ANGPT2: variants seen among roughly 807,000 people sequenced by gnomAD.
ANGPT2 encodes the protein angiopoietin 2, also known as angiopoietin-2.
In ANGPT2, 28 loss-of-function variants were observed where a neutral mutation model predicts 62.9. The observed-to-expected ratio is 0.44, with a 90% CI of 0.33 to 0.61. The LOEUF is 0.61. Among genes scored for constraint, ANGPT2 ranks in the 20% least tolerant of loss-of-function variants. The pLI, the probability that ANGPT2 is intolerant of heterozygous loss-of-function variation, is 0.03. For synonymous variants in ANGPT2, 284 were observed against 207.8 expected, an observed-to-expected ratio of 1.37 and a Z score of -3.15; for missense variants, 727 against 594.9, an observed-to-expected ratio of 1.22 and a Z score of -2.31.
At chr8:6,535,893 A>G (rs1351633608) in intron 1 of ANGPT2, among the ~76,000 whole-genome samples, 1 of 71,734 alleles carries the variant, frequency 1.4e-5, no homozygotes, top group African/African-American at 4.4e-5. Context: ...CAAAAAATAC[A>G]AAAAAAAAAA....
chr8:6,513,303 A>T (rs1815544083), intron 7 of ANGPT2, among the ~76,000 whole-genome samples: 2 of 151,676 alleles, frequency 1.3e-5, no homozygotes, highest in Non-Finnish European at 2.9e-5. Context: ...TCACCCAGCA[A>T]ACCTTTTAAT....
In ANGPT2 at chr8:6,525,537, A is replaced by G. The variant is rs201806323; in HGVS notation, c.566+2018T>C. On this transcript the variant is annotated intron_variant, in intron 3 of 8. Coordinates refer to ENST00000629816, the MANE Select transcript of ANGPT2 (RefSeq NM_001118887.2). ...GAGCCACTGTGCCTGGCTTGAATCT[A>G]TTCTATAAAGAAAGCAATTGCACTT... Among the ~76,000 whole-genome samples the G allele has an allele frequency of 7.2e-5, 11 of 152,344 alleles. No individual in the cohort carries two copies. In the East Asian group the frequency reaches 1.7e-3, roughly 24 times the overall value.
intron 1 of ANGPT2, among the ~76,000 whole-genome samples, chr8:6,541,485 G>C (rs1487444673): frequency 1.3e-5 from 2 of 152,158 alleles, no homozygotes; most frequent in Non-Finnish European, 2.9e-5. Flanking sequence ...CTGGAGACAG[G>C]AAACCAAAGC....
At chr8:6,549,946 C>G (rs1823320621) in intron 1 of ANGPT2, among the ~76,000 whole-genome samples, 1 of 152,238 alleles carries the variant, frequency 6.6e-6, no homozygotes, top group Non-Finnish European at 1.5e-5. Context: ...TCTGAGCTAG[C>G]TATAGCCATG....
chr8:6,504,102 A>C (rs969141998), intron 8 of ANGPT2, among the ~76,000 whole-genome samples: 1 of 152,122 alleles, frequency 6.6e-6, no homozygotes, highest in African/African-American at 2.4e-5. Flanking sequence ...GTGGATCACG[A>C]GATCAGGAGA....
At chr8:6,559,022 A>G (rs1191557312) in intron 1 of ANGPT2, among the ~76,000 whole-genome samples, 1 of 152,156 alleles carries the variant, frequency 6.6e-6, no homozygotes, top group Non-Finnish European at 1.5e-5. Context: ...CTATATAGTA[A>G]TACTAACACT....
At chr8:6,549,338 G>A (rs529497706) in intron 1 of ANGPT2, among the ~76,000 whole-genome samples, 3 of 152,158 alleles carry the variant, frequency 2.0e-5, no homozygotes, top group African/African-American at 4.8e-5. Context: ...TAATAAAAGA[G>A]ACCAAAAAGG....
chr8:6,531,391 C>T (rs1285385569), intron 2 of ANGPT2, among the ~76,000 whole-genome samples: 1 of 151,718 alleles, frequency 6.6e-6, no homozygotes, highest in African/African-American at 2.4e-5. Flanking sequence ...TGGGTTGAAG[C>T]AATTCTCCTG....
chr8:6,526,035 A>G (rs144841952), intron 3 of ANGPT2, among the ~76,000 whole-genome samples: 29 of 152,260 alleles, frequency 1.9e-4, no homozygotes, highest in East Asian at 3.9e-4. Flanking sequence ...ACATCATTGT[A>G]TAACAGGCAA....
chr8:6,508,783 A>G, intron 8 of ANGPT2, 149 bp downstream of exon 8: 3 of 1,159,816 alleles, frequency 2.6e-6, no homozygotes. Flanking sequence ...AAAAGTGAAA[A>G]ACACATTTAC....
intron 2 of ANGPT2, among the ~76,000 whole-genome samples, chr8:6,530,414 C>G (rs1038917193): frequency 8.6e-5 from 13 of 150,418 alleles, no homozygotes; most frequent in Admixed American, 1.3e-4. Context: ...GAGGCTAAGG[C>G]ACGAGAATCG....
At chr8:6,525,343 C>T (rs1167962790) in intron 3 of ANGPT2, among the ~76,000 whole-genome samples, 1 of 152,166 alleles carries the variant, frequency 6.6e-6, no homozygotes, top group Non-Finnish European at 1.5e-5. Flanking sequence ...GATCCACCTG[C>T]CTCAGCCATC....
rs1301362591 is a variant in ANGPT2 at position 6,502,179 on chromosome 8, G to A, written c.*922C>T. The A allele has an allele frequency of 6.6e-6, 1 of 152,046 alleles. No homozygotes were observed. Among genetic ancestry groups the A allele is most frequent in the Non-Finnish European group, 1.5e-5 (1 of 67,996 alleles). The allele number at this position is 152,046 out of a possible 1,614,324, so 9.4% of individuals were successfully genotyped here. A position where few individuals can be genotyped will look rare whatever the true frequency, so the allele number is the denominator to read the frequency against. ...AAGTTTCTTTGTCATAGAATGAAAT[G>A]TATAATTTTCCTCATCATTAAAAGT... On this transcript the variant is annotated 3_prime_UTR_variant, in exon 9 of 9. Transcript: ENST00000629816.
At chr8:6,558,290 A>G (rs1001458723) in intron 1 of ANGPT2, among the ~76,000 whole-genome samples, 11 of 152,188 alleles carry the variant, frequency 7.2e-5, no homozygotes, top group Non-Finnish European at 1.3e-4. Context: ...AAGAGAATCT[A>G]CTTCCTATTT....
intron 2 of ANGPT2, among the ~76,000 whole-genome samples, chr8:6,527,983 C>T (rs1484078552): frequency 1.3e-5 from 2 of 150,086 alleles, no homozygotes; most frequent in Non-Finnish European, 3.0e-5. Flanking sequence ...GCAACCTCCG[C>T]CTCCCGGGTT....
intron 1 of ANGPT2, among the ~76,000 whole-genome samples, chr8:6,556,057 C>G (rs1475653835): frequency 6.6e-6 from 1 of 152,136 alleles, no homozygotes; most frequent in Non-Finnish European, 1.5e-5. Context: ...GTGCCCTGCA[C>G]TCGTCTCAAG....
rs188788254 is a variant in ANGPT2, at chr8:6,523,921, G to C, written c.567-2511C>G. On this transcript the variant is annotated intron_variant, in intron 3 of 8. Coordinates refer to ENST00000629816, the MANE Select transcript of ANGPT2 (RefSeq NM_001118887.2). ...TTTTTTTTTTAATAAGATACAAGAG[G>C]AAAATTGGATAGCCTGACACTACAT... 1.4e-3 allele frequency among the ~76,000 whole-genome samples: 208 copies of C among 151,498 alleles called. 2 individuals carry two copies. The highest frequency in any genetic ancestry group is 1.4e-3 in the East Asian group (7 of 5,156).
chr8:6,540,594 G>A (rs1463735203), intron 1 of ANGPT2, among the ~76,000 whole-genome samples: 1 of 152,210 alleles, frequency 6.6e-6, no homozygotes, highest in Non-Finnish European at 1.5e-5. Flanking sequence ...GACGTTGTCA[G>A]GCCACGTCTG....
intron 1 of ANGPT2, among the ~76,000 whole-genome samples, chr8:6,558,394 G>A (rs116371259): frequency 1.0e-3 from 156 of 152,140 alleles, no homozygotes; most frequent in African/African-American, 3.5e-3. Flanking sequence ...TCCCATGGCG[G>A]TAGAGTTGAT....
Sources: gnomAD v4.1 joint callset for allele counts (sites outside exome capture counted in the v4.1 genomes callset) on GRCh38, gnomAD v4.1.1 for gene constraint, MANE v1.5 for transcripts, NCBI Gene and HGNC (gene_info 2026-07-23, HGNC 2026-07-21) for gene names.